Variants in ATG5 observed in about 807,000 individuals in gnomAD.
ATG5 encodes autophagy related 5.
Under a neutral mutation model 36.5 loss-of-function variants are expected in ATG5, and 14 were observed. That is an observed-to-expected ratio of 0.38 (90% CI 0.25 to 0.60). The LOEUF (loss-of-function observed/expected upper bound fraction) is 0.60, where lower values mean the gene tolerates loss of function less well. Ranked by LOEUF, ATG5 falls within the 20% of genes least tolerant of loss-of-function variation. ATG5 has a pLI of 0.60. For missense variants in ATG5, 195 were observed against 326.7 expected, an observed-to-expected ratio of 0.60 and a Z score of 3.11; for synonymous variants, 95 against 101.5, an observed-to-expected ratio of 0.94 and a Z score of 0.38.
intron 6 of ATG5, among the ~76,000 whole-genome samples, chr6:106,222,094 G>C (rs1307174064): frequency 6.6e-6 from 1 of 152,066 alleles, no homozygotes; most frequent in South Asian, 2.1e-4. Flanking sequence ...GTTTCACCAC[G>C]TTAAACCATG....
At chr6:106,227,893 C>A (rs1777507318) in intron 6 of ATG5, among the ~76,000 whole-genome samples, 1 of 152,002 alleles carries the variant, frequency 6.6e-6, no homozygotes, top group African/African-American at 2.4e-5. Context: ...AGTTGTAATT[C>A]AACTTGAAGG....
intron 6 of ATG5, among the ~76,000 whole-genome samples, chr6:106,218,869 C>CTA (rs1381200840): frequency 1.3e-5 from 2 of 151,954 alleles, no homozygotes; most frequent in African/African-American, 2.4e-5. Flanking sequence ...CAAAGCTTTG[C>CTA]TTTTAAAAGA....
intron 1 of ATG5, among the ~76,000 whole-genome samples, chr6:106,323,226 T>C (rs1395311574): frequency 6.6e-6 from 1 of 151,196 alleles, no homozygotes; most frequent in East Asian, 1.9e-4. Flanking sequence ...ATTATCACTC[T>C]GTGGTCTTTT....
intron 6 of ATG5, among the ~76,000 whole-genome samples, chr6:106,235,285 G>A (rs533209355): frequency 3.9e-5 from 6 of 152,256 alleles, no homozygotes; most frequent in South Asian, 2.1e-4. Flanking sequence ...CCCAGATGAA[G>A]TCCATGACTA....
chr6:106,310,280 C>T (rs1770600748), intron 2 of ATG5, among the ~76,000 whole-genome samples: 1 of 152,068 alleles, frequency 6.6e-6, no homozygotes, highest in Non-Finnish European at 1.5e-5. Flanking sequence ...AGGCAGAATC[C>T]ACACTGAAAT....
chr6:106,248,368 C>G (rs962362310), intron 5 of ATG5, 124 bp from the exon 6 acceptor site: 1 of 582,254 alleles, frequency 1.7e-6, no homozygotes, highest in East Asian at 2.9e-5. Context: ...CATATATTTT[C>G]TTATTTTTAT....
intron 5 of ATG5, 24 bp downstream of exon 5, chr6:106,279,636 TA>T: frequency 7.0e-7 from 1 of 1,436,152 alleles, no homozygotes. Flanking sequence ...AGTGGTATTC[TA>T]AAATTAAACA....
chr6:106,219,669 G>C (rs1311388532), intron 6 of ATG5, among the ~76,000 whole-genome samples: 1 of 152,088 alleles, frequency 6.6e-6, no homozygotes, highest in African/African-American at 2.4e-5. Context: ...GTAGAATTTG[G>C]TAACCCAGGG....
At chr6:106,300,401 A>G (rs1770156516) in intron 3 of ATG5, among the ~76,000 whole-genome samples, 1 of 152,180 alleles carries the variant, frequency 6.6e-6, no homozygotes, top group Non-Finnish European at 1.5e-5. Flanking sequence ...GGTTTTCACT[A>G]AAGCATTTTG....
At chr6:106,321,719 A>T (rs954287680) in intron 1 of ATG5, among the ~76,000 whole-genome samples, 1 of 152,116 alleles carries the variant, frequency 6.6e-6, no homozygotes, top group African/African-American at 2.4e-5. Context: ...TCCCCTATGC[A>T]GCCTCTAGTC....
At chr6:106,211,947 T>A (rs1776868281) in intron 6 of ATG5, among the ~76,000 whole-genome samples, 1 of 152,210 alleles carries the variant, frequency 6.6e-6, no homozygotes, top group Non-Finnish European at 1.5e-5. Flanking sequence ...CATTTATAAG[T>A]AAAATTTATT....
At chr6:106,207,818 GGGT>G (rs1776695598) in intron 6 of ATG5, among the ~76,000 whole-genome samples, 1 of 151,170 alleles carries the variant, frequency 6.6e-6, no homozygotes, top group Non-Finnish European at 1.5e-5. Flanking sequence ...ATTCGGCTGG[GGGT>G]GGTGGCTCAT....
At chr6:106,305,610 T>C (rs993010822) in intron 3 of ATG5, among the ~76,000 whole-genome samples, 5 of 152,198 alleles carry the variant, frequency 3.3e-5, no homozygotes, top group South Asian at 2.1e-4. Context: ...CCTGAACTTA[T>C]TTAAAACTCC....
chr6:106,308,882 C>T (rs3804334), intron 2 of ATG5, among the ~76,000 whole-genome samples: 26,853 of 152,034 alleles, frequency 0.18, 2,776 homozygotes, highest in African/African-American at 0.28. Context: ...ATAATCAACT[C>T]AAGTTCTAAA....
intron 1 of ATG5, chr6:106,325,274 A>G (rs1219227445): frequency 6.6e-6 from 1 of 152,160 alleles, no homozygotes; most frequent in African/African-American, 2.4e-5. Flanking sequence ...TCGCTTTCCT[A>G]CCTTAGTAAG....
intron 5 of ATG5, 68 bp downstream of exon 5, chr6:106,279,593 C>T (rs1582646341): frequency 1.6e-6 from 2 of 1,264,200 alleles, no homozygotes; most frequent in East Asian, 5.3e-5. Flanking sequence ...GTATCAACTA[C>T]TCACAGGGTT....
chr6:106,204,007 C>T lies in ATG5; in HGVS notation c.574-1918G>A, dbSNP rs1776532801. Among the ~76,000 whole-genome samples the T allele has an allele frequency of 2.0e-5, 3 of 152,238 alleles. No individual in the cohort carries two copies. In the South Asian group the frequency reaches 6.2e-4, roughly 32 times the overall value. ...AAACCAAACACCTCATGTTCTCACTCACAACTGGGAGCTGAACAACGAGAA... is the reference window on the plus strand; with the variant it reads ...AAACCAAACACCTCATGTTCTCACTTACAACTGGGAGCTGAACAACGAGAA... On this transcript the variant is annotated intron_variant, in intron 6 of 7. Transcript: ENST00000369076.
chr6:106,286,797 C>A (rs568359776), intron 4 of ATG5, among the ~76,000 whole-genome samples: 30 of 152,318 alleles, frequency 2.0e-4, no homozygotes, highest in African/African-American at 6.5e-4. Flanking sequence ...CAGCTTATTA[C>A]TGACAGCCAA....
At chr6:106,298,446 G>C (rs950942674) in intron 3 of ATG5, among the ~76,000 whole-genome samples, 1 of 152,058 alleles carries the variant, frequency 6.6e-6, no homozygotes, top group African/African-American at 2.4e-5. Flanking sequence ...AGCTACTTGG[G>C]AGGCTGAAGT....
Sources: gnomAD v4.1 joint callset for allele counts (sites outside exome capture counted in the v4.1 genomes callset) on GRCh38, gnomAD v4.1.1 for gene constraint, MANE v1.5 for transcripts, NCBI Gene and HGNC (gene_info 2026-07-23, HGNC 2026-07-21) for gene names.